DNAH11: variants seen among roughly 807,000 people sequenced by gnomAD.
The protein encoded by DNAH11 is dynein axonemal heavy chain 11, also known as axonemal beta dynein heavy chain 11.
A neutral mutation model predicts 526.0 loss-of-function variants in DNAH11; 442 were observed. The ratio of observed to expected loss-of-function variants is 0.84; its 90% CI spans 0.78 to 0.91. The LOEUF is 0.91. Among genes scored for constraint, DNAH11 ranks in the 40% least tolerant of loss-of-function variants. The pLI is 0.00. For synonymous variants in DNAH11, 2,461 were observed against 1,935.9 expected (o/e 1.27, Z -7.12); for missense variants, 6,989 against 5,448.7 (o/e 1.28, Z -8.90).
intron 73 of DNAH11, among the ~76,000 whole-genome samples, chr7:21,871,382 C>G (rs1474828979): frequency 6.6e-6 from 1 of 152,204 alleles, no homozygotes; most frequent in Non-Finnish European, 1.5e-5. Flanking sequence ...TAGCCAGTCC[C>G]AAAGCCAGTA....
At chr7:21,609,287 C>T (rs778974522) in intron 20 of DNAH11, among the ~76,000 whole-genome samples, 1 of 152,126 alleles carries the variant, frequency 6.6e-6, no homozygotes, top group Non-Finnish European at 1.5e-5. Context: ...ATGATCTCAG[C>T]TCACTACAAC....
At chr7:21,789,210 T>A in intron 60 of DNAH11, 31 bp from the exon 61 acceptor site, 1 of 1,450,954 alleles carries the variant, frequency 6.9e-7, no homozygotes, top group Non-Finnish European at 9.5e-7. Context: ...ACTTATCCTC[T>A]TTGTATCTGT....
chr7:21,616,649 G>C (rs945068907), intron 22 of DNAH11, among the ~76,000 whole-genome samples: 2 of 152,202 alleles, frequency 1.3e-5, no homozygotes, highest in East Asian at 1.9e-4. Context: ...TATCTGAAAA[G>C]GTACCTTTTG....
At chr7:21,886,150 GTTTCTCTGAAAA>G (rs962916459) in intron 76 of DNAH11, among the ~76,000 whole-genome samples, 22 of 152,028 alleles carry the variant, frequency 1.4e-4, no homozygotes, top group African/African-American at 5.3e-4. Context: ...CCTATTTATA[GTTTCTCTGAAAA>G]TTTCACCTCA....
intron 61 of DNAH11, among the ~76,000 whole-genome samples, chr7:21,791,216 C>T (rs949332304): frequency 6.6e-6 from 1 of 152,214 alleles, no homozygotes; most frequent in African/African-American, 2.4e-5. Context: ...TTCAGTTTCT[C>T]ATCTGTCAAG....
At chr7:21,687,338 A>G (rs1783420383) in intron 33 of DNAH11, 44 bp from the exon 34 acceptor site, 3 of 1,581,118 alleles carry the variant, frequency 1.9e-6, no homozygotes, top group Non-Finnish European at 2.6e-6. Context: ...AATAGCGTAA[A>G]AACCCCTTCT....
chr7:21,689,360 C>G lies in DNAH11; in HGVS notation c.5925-1405C>G, dbSNP rs568007782. ...TGGTAGTCTCCTCTTGTCTGAATGTCTGTAGGTCTGCTCTCTTCATCTTAT... is the reference window on the plus strand; with the variant it reads ...TGGTAGTCTCCTCTTGTCTGAATGTGTGTAGGTCTGCTCTCTTCATCTTAT... On this transcript the variant is annotated intron_variant, in intron 34 of 81. Transcript: ENST00000409508. Among the ~76,000 whole-genome samples, 4 of 152,332 alleles carry G rather than the reference C, an allele frequency of 2.6e-5. No homozygotes were observed. In the South Asian group the frequency reaches 8.3e-4, roughly 32 times the overall value.
At chr7:21,549,961 G>A (rs1782957149) in intron 2 of DNAH11, among the ~76,000 whole-genome samples, 1 of 152,142 alleles carries the variant, frequency 6.6e-6, no homozygotes, top group East Asian at 1.9e-4. Context: ...CAACCTGATT[G>A]AGTAGGGGGG....
Position 21,812,506 on chromosome 7 carries a change from G to GGAAA in DNAH11, c.10333-3961_10333-3960insGAAA, listed in dbSNP as rs1554283826. Among the ~76,000 whole-genome samples, 551 of 58,968 alleles carry GGAAA rather than the reference G, an allele frequency of 9.3e-3. 5 individuals carry two copies. The highest frequency in any genetic ancestry group is 0.06 in the South Asian group (111 of 1,852). 38.7% of individuals were successfully genotyped at this position (58,968 alleles called of 152,430 possible). Reference sequence around the variant, plus strand: ...CTACACAGTGAGACACTATCTATATGAAAAAAAAATTTTTTTTAAACCCAG... The same window carrying GGAAA: ...CTACACAGTGAGACACTATCTATATGGAAAAAAAAAAAATTTTTTTTAAACCCAG... On this transcript the variant is annotated intron_variant, in intron 63 of 81. Coordinates refer to ENST00000409508, the MANE Select transcript of DNAH11 (RefSeq NM_001277115.2).
At chr7:21,849,161 G>A (rs1276625628) in intron 66 of DNAH11, among the ~76,000 whole-genome samples, 6 of 152,006 alleles carry the variant, frequency 3.9e-5, no homozygotes, top group South Asian at 2.1e-4. Context: ...CTGGGATTAC[G>A]GGCATGAGCC....
rs17277612 is a variant in DNAH11, at chr7:21,759,718, A to G, written c.8941-5710A>G. 2.3e-3 allele frequency among the ~76,000 whole-genome samples: 351 copies of G among 152,368 alleles called. 1 individual carries two copies. The highest frequency in any genetic ancestry group is 4.2e-3 in the Non-Finnish European group (284 of 68,038). ...ATACAGAGTGACTGTAGCAATTCAC[A>G]TTTTCATTACCAGATGAAATGGACT... On this transcript the variant is annotated intron_variant, in intron 54 of 81. Coordinates refer to ENST00000409508, the MANE Select transcript of DNAH11 (RefSeq NM_001277115.2).
intron 18 of DNAH11, among the ~76,000 whole-genome samples, 161 bp from the exon 19 acceptor site, chr7:21,606,264 AG>A (rs898967348): frequency 3.3e-5 from 5 of 152,084 alleles, no homozygotes; most frequent in Non-Finnish European, 5.9e-5. Context: ...TGAAGGTTTC[AG>A]TGAGCTGAGA....
chr7:21,720,638 A>C, intron 43 of DNAH11, 87 bp from the exon 44 acceptor site: 2 of 1,390,290 alleles, frequency 1.4e-6, no homozygotes, highest in African/African-American at 1.5e-5. Context: ...GTACTCTCTT[A>C]AGGATAAAGT....
intron 20 of DNAH11, among the ~76,000 whole-genome samples, chr7:21,610,198 G>T (rs1445656606): frequency 1.3e-5 from 2 of 152,156 alleles, no homozygotes; most frequent in Non-Finnish European, 2.9e-5. Context: ...AGCTTGCAGT[G>T]AGCCGAGATT....
At chr7:21,685,774 A>G (rs996086775) in intron 32 of DNAH11, among the ~76,000 whole-genome samples, 3 of 152,224 alleles carry the variant, frequency 2.0e-5, no homozygotes, top group African/African-American at 7.2e-5. Flanking sequence ...GGTGGCTGAC[A>G]TGCTAAACAT....
chr7:21,779,400 G>C (rs1469451217), intron 57 of DNAH11, among the ~76,000 whole-genome samples: 1 of 152,134 alleles, frequency 6.6e-6, no homozygotes, highest in Admixed American at 6.6e-5. Flanking sequence ...ATACAGTAAA[G>C]GTCAGGAAGT....
chr7:21,625,024 T>G (rs1786263285), intron 25 of DNAH11, among the ~76,000 whole-genome samples: 1 of 152,110 alleles, frequency 6.6e-6, no homozygotes, highest in Non-Finnish European at 1.5e-5. Flanking sequence ...TTGTTTGGCT[T>G]TGGTATCAGA....
rs182401700 is a variant in DNAH11 at position 21,768,530 on chromosome 7, A to G, written c.9102+2941A>G. On this transcript the variant is annotated intron_variant, in intron 55 of 81. Coordinates refer to ENST00000409508, the MANE Select transcript of DNAH11 (RefSeq NM_001277115.2). ...AGATCTGAGCAAGGTGAAAGAGGTC[A>G]TCTTTGGGGGCATGTTGACCAACCG... is the stretch of plus-strand genomic sequence containing the variant. Among the ~76,000 whole-genome samples, 7 of 152,290 alleles carry G rather than the reference A, an allele frequency of 4.6e-5. No homozygotes were observed. The East Asian group carries it at 1.2e-3, about 25-fold the overall frequency.
In DNAH11 at chr7:21,744,857, T is replaced by A; in HGVS notation, c.8317-13T>A. 1 of 1,597,826 alleles carries A rather than the reference T, an allele frequency of 6.3e-7. No individual in the cohort carries two copies. Among genetic ancestry groups the A allele is most frequent in the Non-Finnish European group, 8.5e-7 (1 of 1,173,170 alleles). On this transcript the variant is annotated splice_polypyrimidine_tract_variant and intron_variant, in intron 50 of 81. Transcript: ENST00000409508. ...GGTTGACATGCCATATTTTTCTCTT[T>A]CTCATCCTGCAGGGTATAGATAGTC... is the stretch of plus-strand genomic sequence containing the variant.
Sources: allele counts gnomAD v4.1 joint callset (sites outside exome capture counted in the v4.1 genomes callset), GRCh38; gene constraint gnomAD v4.1.1; transcripts MANE v1.5; gene names NCBI Gene and HGNC (gene_info 2026-07-23, HGNC 2026-07-21).